Variants in PRKG1 observed in about 807,000 individuals in gnomAD.
PRKG1 encodes the protein protein kinase cGMP-dependent 1, also known as cGMP-dependent protein kinase 1.
A neutral mutation model predicts 88.1 loss-of-function variants in PRKG1; 35 were observed. The observed-to-expected ratio is 0.40, with a 90% CI of 0.30 to 0.53. The LOEUF is 0.53. PRKG1 is among the 20% of genes least tolerant of loss of function. The pLI, the probability that PRKG1 is intolerant of heterozygous loss-of-function variation, is 0.59. For synonymous variants in PRKG1, 303 were observed against 292.5 expected (o/e 1.04, Z -0.37); for missense variants, 540 against 839.8 (o/e 0.64, Z 4.41).
intron 5 of PRKG1, among the ~76,000 whole-genome samples, chr10:51,931,614 A>G (rs1354130281): frequency 6.6e-6 from 1 of 152,174 alleles, no homozygotes; most frequent in East Asian, 1.9e-4. Flanking sequence ...TCTCAGTTAA[A>G]TGTATTTCCA....
At chr10:51,509,172 C>T (rs1318467451) in intron 3 of PRKG1, among the ~76,000 whole-genome samples, 1 of 152,020 alleles carries the variant, frequency 6.6e-6, no homozygotes, top group Non-Finnish European at 1.5e-5. Flanking sequence ...ACACAATAAG[C>T]CCTGATTGAC....
chr10:52,208,709 G>T (rs1589701139), intron 9 of PRKG1, among the ~76,000 whole-genome samples: 1 of 152,296 alleles, frequency 6.6e-6, no homozygotes, highest in East Asian at 1.9e-4. Flanking sequence ...CAAGTGAAAT[G>T]GCAAATTATT....
chr10:51,714,065 C>T (rs1439083380), intron 3 of PRKG1, among the ~76,000 whole-genome samples: 4 of 152,048 alleles, frequency 2.6e-5, no homozygotes, highest in Non-Finnish European at 5.9e-5. Context: ...CCGCAAGCTC[C>T]GCCTCCCAGG....
At chr10:51,990,269 C>T (rs963854890) in intron 5 of PRKG1, among the ~76,000 whole-genome samples, 2 of 152,016 alleles carry the variant, frequency 1.3e-5, no homozygotes, top group African/African-American at 4.8e-5. Flanking sequence ...TACTGTGTTG[C>T]CTGTAGGTAT....
chr10:51,540,859 C>G (rs1427870906), intron 3 of PRKG1, among the ~76,000 whole-genome samples: 1 of 152,132 alleles, frequency 6.6e-6, no homozygotes, highest in East Asian at 1.9e-4. Flanking sequence ...GCTGGGATTA[C>G]AGGTGCGTGC....
rs74949467 is a variant in PRKG1, at chr10:52,096,035, G to A, written c.935+33404G>A. ...ATTAAGTGAGGAGTCTGTGAACAAG[G>A]AGTCTGGGGGAGAGCATTCCAGAGG... is the stretch of plus-strand genomic sequence containing the variant. On this transcript the variant is annotated intron_variant, in intron 7 of 17. Transcript: ENST00000373980. 1.7e-3 allele frequency among the ~76,000 whole-genome samples: 252 copies of A among 152,234 alleles called. 4 individuals are homozygous for A. The East Asian group carries it at 0.041, about 25-fold the overall frequency.
chr10:51,340,059 T>A lies in PRKG1; in HGVS notation c.479-127664T>A, dbSNP rs549299554. Among the ~76,000 whole-genome samples the A allele has an allele frequency of 5.3e-5, 8 of 152,280 alleles. No homozygotes were observed. In the East Asian group the frequency reaches 7.7e-4, roughly 15 times the overall value. On this transcript the variant is annotated intron_variant, in intron 2 of 17. Coordinates refer to ENST00000373980, the MANE Select transcript of PRKG1 (RefSeq NM_006258.4). ...TGGAATAAAAGCCTCTGCTAGTGGA[T>A]CTCAGCTTTATAACCATTTTATAGG...
chr10:52,068,045 A>T (rs1446999470), intron 7 of PRKG1, among the ~76,000 whole-genome samples: 1 of 138,012 alleles, frequency 7.2e-6, no homozygotes, highest in Non-Finnish European at 1.6e-5. Flanking sequence ...TCTACTAAAA[A>T]TACAAAAATC....
At chr10:51,866,542 C>T (rs1841019758) in intron 4 of PRKG1, among the ~76,000 whole-genome samples, 1 of 152,084 alleles carries the variant, frequency 6.6e-6, no homozygotes, top group African/African-American at 2.4e-5. Flanking sequence ...TGAAATACCT[C>T]AGATAATTTC....
intron 5 of PRKG1, among the ~76,000 whole-genome samples, chr10:52,015,799 T>TA (rs1845024204): frequency 6.6e-6 from 1 of 152,214 alleles, no homozygotes; most frequent in African/African-American, 2.4e-5. Context: ...TTCTGCCAGA[T>TA]ACGCTAAATT....
At chr10:52,207,465 A>G (rs970818271) in intron 9 of PRKG1, among the ~76,000 whole-genome samples, 4 of 152,168 alleles carry the variant, frequency 2.6e-5, no homozygotes, top group African/African-American at 9.7e-5. Context: ...CCCACAAGTA[A>G]GACCACCCTG....
intron 1 of PRKG1, among the ~76,000 whole-genome samples, chr10:51,126,480 C>A (rs559136385): frequency 1.5e-5 from 2 of 135,538 alleles, no homozygotes; most frequent in Admixed American, 1.5e-4. Context: ...ATTATATAAT[C>A]TATTTATAAA....
At chr10:50,993,690 G>A (rs142499817) in intron 1 of PRKG1, among the ~76,000 whole-genome samples, 1 of 152,330 alleles carries the variant, frequency 6.6e-6, no homozygotes, top group Non-Finnish European at 1.5e-5. Flanking sequence ...TAACAGCACC[G>A]CTTTGCAGCA....
rs2339679 is a variant in PRKG1, at chr10:51,087,755, A to G, written c.311+12854A>G. Reference sequence around the variant, plus strand: ...TAATACTGTATTGCTACTATATTCAATTTTGGTTTGCTGTTTTGTTTTGTT... The same window carrying G: ...TAATACTGTATTGCTACTATATTCAGTTTTGGTTTGCTGTTTTGTTTTGTT... On this transcript the variant is annotated intron_variant, in intron 1 of 17. Transcript: ENST00000373980. Among the ~76,000 whole-genome samples, 62 of 152,222 alleles carry G rather than the reference A, an allele frequency of 4.1e-4. 2 individuals are homozygous for G. In the South Asian group the frequency reaches 0.013, roughly 31 times the overall value.
chr10:51,627,919 TC>T (rs1192093734), intron 3 of PRKG1, among the ~76,000 whole-genome samples: 71 of 82,062 alleles, frequency 8.7e-4, no homozygotes, highest in African/African-American at 1.7e-3. Context: ...TTCCCTTCCT[TC>T]CCTTCCTTTC....
At chr10:51,730,837 G>A (rs534481193) in intron 3 of PRKG1, among the ~76,000 whole-genome samples, 1 of 152,168 alleles carries the variant, frequency 6.6e-6, no homozygotes, top group African/African-American at 2.4e-5. Flanking sequence ...TCAGGAGGAG[G>A]AGACTATTAA....
intron 2 of PRKG1, among the ~76,000 whole-genome samples, chr10:51,229,209 G>T (rs911382506): frequency 5.3e-5 from 8 of 152,084 alleles, no homozygotes; most frequent in African/African-American, 1.9e-4. Flanking sequence ...TGTCAATTTT[G>T]TTCAGCAAGG....
At chr10:51,072,004 C>G (rs560899446), upstream of PRKG1, among the ~76,000 whole-genome samples, 30 of 152,148 alleles carry the variant, frequency 2.0e-4, no homozygotes, top group Non-Finnish European at 3.5e-4. Flanking sequence ...CGAGAACATC[C>G]TGGCCAACAT....
At chr10:52,234,540 C>G (rs1427142919) in intron 9 of PRKG1, among the ~76,000 whole-genome samples, 1 of 149,112 alleles carries the variant, frequency 6.7e-6, no homozygotes, top group South Asian at 2.2e-4. Context: ...GGAGCCGATG[C>G]GATCAACTGG....
Sources: allele counts gnomAD v4.1 joint callset (sites outside exome capture counted in the v4.1 genomes callset), GRCh38; gene constraint gnomAD v4.1.1; transcripts MANE v1.5; gene names NCBI Gene and HGNC (gene_info 2026-07-23, HGNC 2026-07-21).